Variants in SYTL3 observed in about 807,000 individuals in gnomAD.
SYTL3 encodes the protein synaptotagmin like 3, also known as synaptotagmin-like protein 3.
In SYTL3, 88 loss-of-function variants were observed where a neutral mutation model predicts 82.1. The ratio of observed to expected loss-of-function variants is 1.07; its 90% CI spans 0.90 to 1.28. The LOEUF is 1.28. SYTL3 is among the 50% of genes most tolerant of loss of function. The pLI is 0.00. For missense variants in SYTL3, 831 were observed against 757.6 expected (o/e 1.10, Z -1.14); for synonymous variants, 311 against 289.4 (o/e 1.07, Z -0.76).
intron 3 of SYTL3, among the ~76,000 whole-genome samples, chr6:158,662,014 G>C (rs1172397737): frequency 2.6e-5 from 4 of 152,148 alleles, no homozygotes; most frequent in East Asian, 1.9e-4. Context: ...GACTACCAAA[G>C]ATTAAGAAAA....
rs776379662 is a variant in SYTL3 at position 158,671,113 on chromosome 6, C to CT, written c.329+5505dup. 1.8e-3 allele frequency among the ~76,000 whole-genome samples: 270 copies of CT among 151,678 alleles called. 1 individual carries two copies. Among genetic ancestry groups the CT allele is most frequent in the Non-Finnish European group, 3.3e-3 (221 of 67,886 alleles). On this transcript the variant is annotated intron_variant, in intron 5 of 17. Transcript: ENST00000611299. ...GCCACGGCGCCCGGCCTATGGAGTA[C>CT]TTTTTAGAAAAAAAAAGTTTCTTTT...
chr6:158,696,367 T>TTA (rs1208528528), intron 6 of SYTL3, among the ~76,000 whole-genome samples: 1 of 151,766 alleles, frequency 6.6e-6, no homozygotes, highest in Admixed American at 6.6e-5. Context: ...GCCTAATTTT[T>TTA]TTTTTTTTTT....
intron 10 of SYTL3, among the ~76,000 whole-genome samples, chr6:158,724,096 T>A (rs764436888): frequency 6.6e-6 from 1 of 152,188 alleles, no homozygotes; most frequent in Non-Finnish European, 1.5e-5. Context: ...GTCCCTGGCC[T>A]CTTTCCCATT....
chr6:158,718,697 A>G lies in SYTL3; in HGVS notation c.720+486A>G, dbSNP rs1049960440. ...CCACAAGTGAGAGCTCCCTTAGTAA[A>G]GGCTTCTAGGGAAATAATTATTCCA... On this transcript the variant is annotated intron_variant, in intron 10 of 17. Coordinates refer to ENST00000611299, the MANE Select transcript of SYTL3 (RefSeq NM_001242394.2). Among the ~76,000 whole-genome samples the G allele has an allele frequency of 9.8e-5, 15 of 152,356 alleles. No individual in the cohort carries two copies. In the East Asian group the frequency reaches 2.5e-3, roughly 25 times the overall value.
At chr6:158,740,419 AC>A (rs1339235385) in intron 11 of SYTL3, among the ~76,000 whole-genome samples, 3 of 152,068 alleles carry the variant, frequency 2.0e-5, no homozygotes, top group Non-Finnish European at 4.4e-5. Flanking sequence ...TATTTTCTTG[AC>A]CATATTAGTT....
intron 12 of SYTL3, among the ~76,000 whole-genome samples, chr6:158,747,189 G>A (rs1787774189): frequency 6.6e-6 from 1 of 151,606 alleles, no homozygotes; most frequent in Admixed American, 6.6e-5. Context: ...GTTTCCCCGT[G>A]TTGGCCAGGC....
At chr6:158,726,648 G>T in intron 11 of SYTL3, 1 of 269,702 alleles carries the variant, frequency 3.7e-6, no homozygotes. Flanking sequence ...GGAATGCAAA[G>T]TAATGGGTCC....
At chr6:158,721,178 T>G (rs996951218) in intron 10 of SYTL3, among the ~76,000 whole-genome samples, 25 of 152,142 alleles carry the variant, frequency 1.6e-4, no homozygotes, top group African/African-American at 5.8e-4. Flanking sequence ...CTGCAGGCCT[T>G]CTCTCTCCCC....
Position 158,733,957 on chromosome 6 carries a change from G to T in SYTL3, c.855+8320G>T, listed in dbSNP as rs144621851. On this transcript the variant is annotated intron_variant, in intron 11 of 17. Transcript: ENST00000611299. ...CTAAAAATACAAAAAAATTAGCCAG[G>T]CGTGATGGCGGGCGCCTGTAGTCCC... Among the ~76,000 whole-genome samples, 1,355 of 151,790 alleles carry T rather than the reference G, an allele frequency of 8.9e-3. 14 individuals are homozygous for T. Among genetic ancestry groups the T allele is most frequent in the African/African-American group, 0.03 (1,251 of 41,416 alleles).
intron 6 of SYTL3, among the ~76,000 whole-genome samples, chr6:158,683,203 T>C (rs1325518150): frequency 4.7e-5 from 7 of 149,690 alleles, no homozygotes; most frequent in Admixed American, 2.0e-4. Flanking sequence ...ACCTCTGAGG[T>C]TGGCCCTATT....
chr6:158,668,610 C>T (rs1212982977), intron 5 of SYTL3, among the ~76,000 whole-genome samples: 3 of 152,264 alleles, frequency 2.0e-5, no homozygotes, highest in Admixed American at 6.5e-5. Flanking sequence ...CTTTGCCAAG[C>T]GAACACCATG....
At chr6:158,718,053 T>C in intron 9 of SYTL3, 34 bp from the exon 10 acceptor site, 3 of 1,483,614 alleles carry the variant, frequency 2.0e-6, no homozygotes, top group Non-Finnish European at 2.7e-6. Context: ...AAGCTGCTTG[T>C]TCCCACCCAT....
intron 2 of SYTL3, among the ~76,000 whole-genome samples, chr6:158,660,547 C>T (rs556960991): frequency 1.3e-5 from 2 of 152,272 alleles, no homozygotes; most frequent in South Asian, 2.1e-4. Context: ...TTCTGAAGTG[C>T]GTTAAGACCT....
intron 8 of SYTL3, among the ~76,000 whole-genome samples, chr6:158,711,184 T>C (rs1448090570): frequency 6.6e-6 from 1 of 152,224 alleles, no homozygotes; most frequent in Non-Finnish European, 1.5e-5. Context: ...CAATACTAAT[T>C]AGCTTTTAAA....
intron 12 of SYTL3, among the ~76,000 whole-genome samples, chr6:158,751,680 C>T (rs565506135): frequency 1.3e-5 from 2 of 152,334 alleles, no homozygotes; most frequent in South Asian, 2.1e-4. Flanking sequence ...ACGAGCTTCA[C>T]ACCCCCAGGA....
At chr6:158,694,108 T>G (rs961595283) in intron 6 of SYTL3, among the ~76,000 whole-genome samples, 8 of 152,128 alleles carry the variant, frequency 5.3e-5, no homozygotes, top group Non-Finnish European at 1.2e-4. Context: ...GGTAGTGTTT[T>G]CCCAGCAGAT....
intron 2 of SYTL3, among the ~76,000 whole-genome samples, chr6:158,657,296 C>T (rs941896669): frequency 1.3e-4 from 19 of 151,532 alleles, no homozygotes; most frequent in Non-Finnish European, 5.9e-5. Flanking sequence ...TGTGATGGCG[C>T]GTGCCTGTAA....
chr6:158,761,506 C>T (rs1359496417), intron 15 of SYTL3, among the ~76,000 whole-genome samples: 1 of 151,838 alleles, frequency 6.6e-6, no homozygotes, highest in Non-Finnish European at 1.5e-5. Context: ...GACAGGGTTT[C>T]ACCATGTTAG....
chr6:158,728,674 C>T (rs1050571170), intron 11 of SYTL3, among the ~76,000 whole-genome samples: 5 of 152,228 alleles, frequency 3.3e-5, no homozygotes, highest in African/African-American at 9.6e-5. Context: ...GGCGCGGTGG[C>T]TCATGCCTGT....
Sources: gnomAD v4.1 joint callset for allele counts (sites outside exome capture counted in the v4.1 genomes callset) on GRCh38, gnomAD v4.1.1 for gene constraint, MANE v1.5 for transcripts, NCBI Gene and HGNC (gene_info 2026-07-23, HGNC 2026-07-21) for gene names.